FAF2: variants seen among roughly 807,000 people sequenced by gnomAD.
FAF2 encodes Fas associated factor family member 2.
In FAF2, 9 loss-of-function variants were observed where a neutral mutation model predicts 62.3. The ratio of observed to expected loss-of-function variants is 0.14; its 90% CI spans 0.09 to 0.25. FAF2 has a LOEUF of 0.25. Among genes scored for constraint, FAF2 ranks in the 10% least tolerant of loss-of-function variants. The pLI, the probability that FAF2 is intolerant of heterozygous loss-of-function variation, is 1.00. For synonymous variants in FAF2, 202 were observed against 198.0 expected (o/e 1.02, Z -0.17); for missense variants, 368 against 556.2 (o/e 0.66, Z 3.40).
chr5:176,469,138 G>A (rs938907377), intron 1 of FAF2, among the ~76,000 whole-genome samples: 3 of 152,014 alleles, frequency 2.0e-5, no homozygotes, highest in East Asian at 1.9e-4. Context: ...CCAGCTACTC[G>A]GGAGGCTGAG....
Position 176,506,792 on chromosome 5 carries a change from T to C in FAF2, c.1180T>C (p.Leu394=). The change falls in exon 11 of 11, where the codon TTG becomes CTG. Residue 394 remains leucine (L), a synonymous_variant. Coordinates refer to ENST00000261942, the MANE Select transcript of FAF2 (RefSeq NM_014613.3). ...LTVIHDFLFS[L]KESPEKFQIE... ...GGTAATCCACGACTTCTTATTCTCC[T>C]TGAAGGAAAGCCCAGAAAAGTTTCA... is the stretch of plus-strand genomic sequence containing the variant. 1 of 1,613,980 alleles carries C rather than the reference T, an allele frequency of 6.2e-7. No individual in the cohort carries two copies.
chr5:176,475,820 G>A (rs1050238344), intron 1 of FAF2, among the ~76,000 whole-genome samples: 2 of 151,772 alleles, frequency 1.3e-5, no homozygotes, highest in Non-Finnish European at 2.9e-5. Context: ...CAGCTCGGCT[G>A]TACATTAGAA....
In FAF2 at chr5:176,489,036, C is replaced by T; in HGVS notation, c.344+9C>T. ...ATACTTGATATATTTAGGTATGTAC[C>T]TTTGGATTTATGTATTAGTAGAATA... On this transcript the variant is annotated intron_variant, in intron 4 of 10. Transcript: ENST00000261942. 2.5e-6 allele frequency: 4 copies of T among 1,605,566 alleles called. No individual in the cohort carries two copies. The highest frequency in any genetic ancestry group is 1.7e-6 in the Non-Finnish European group (2 of 1,173,660).
At chr5:176,472,785 T>A (rs1758598013) in intron 1 of FAF2, among the ~76,000 whole-genome samples, 1 of 151,778 alleles carries the variant, frequency 6.6e-6, no homozygotes, top group South Asian at 2.1e-4. Flanking sequence ...CTCATATGGT[T>A]CTTATACAGG....
At chr5:176,503,234 T>C (rs1048957768) in intron 10 of FAF2, among the ~76,000 whole-genome samples, 2 of 151,840 alleles carry the variant, frequency 1.3e-5, no homozygotes, top group Non-Finnish European at 2.9e-5. Flanking sequence ...AACCAAATAA[T>C]GCTGTAGTGT....
intron 2 of FAF2, among the ~76,000 whole-genome samples, chr5:176,481,911 G>A (rs1016597417): frequency 6.6e-6 from 1 of 152,134 alleles, no homozygotes; most frequent in African/African-American, 2.4e-5. Context: ...GTGACACTAT[G>A]TTTAACCTTT....
chr5:176,454,577 G>GAAAAAAAAAAAAAAAAAAAAAAAAAA (rs56324116), intron 1 of FAF2, among the ~76,000 whole-genome samples: 1 of 95,326 alleles, frequency 1.0e-5, no homozygotes, highest in Non-Finnish European at 2.0e-5. Flanking sequence ...GATTCTGTCT[G>GAAAAAAAAAAAAAAAAAAAAAAAAAA]AAAAAAAAAA....
chr5:176,479,073 A>T, intron 1 of FAF2, 115 bp from the exon 2 acceptor site: 2 of 824,692 alleles, frequency 2.4e-6, no homozygotes, highest in Non-Finnish European at 4.2e-6. Context: ...ACCATACTTT[A>T]ACACTCACTT....
At chr5:176,464,951 G>A (rs911070049) in intron 1 of FAF2, among the ~76,000 whole-genome samples, 8 of 152,132 alleles carry the variant, frequency 5.3e-5, no homozygotes, top group Non-Finnish European at 1.2e-4. Flanking sequence ...GCAGTGGTAT[G>A]ATCTCAGCTC....
chr5:176,459,093 A>G (rs1758329902), intron 1 of FAF2, among the ~76,000 whole-genome samples: 1 of 152,160 alleles, frequency 6.6e-6, no homozygotes, highest in Admixed American at 6.6e-5. Context: ...ATAGATGCTC[A>G]ATTAATATTT....
chr5:176,489,003 A>G lies in FAF2; in HGVS notation c.320A>G (p.Tyr107Cys). Residue 107 changes from tyrosine to cysteine, a missense_variant, in exon 4 of 11, where the codon TAT becomes TGT. By Grantham distance (194) the Tyr-to-Cys change is radical (BLOSUM62 -2). This residue lies in a region of FAF2 where 331 missense variants were observed against 441.9 expected (regional missense o/e 0.75). Coordinates refer to ENST00000261942, the MANE Select transcript of FAF2 (RefSeq NM_014613.3). ...YLIMLPFRFTYYTILDIFRFA... is the reference protein window; with the variant it reads ...YLIMLPFRFTCYTILDIFRFA... Reference sequence around the variant, plus strand: ...ATAATGCTTCCATTCCGGTTTACCTATTACACGATACTTGATATATTTAGG... The same window carrying G: ...ATAATGCTTCCATTCCGGTTTACCTGTTACACGATACTTGATATATTTAGG... 3 of 1,613,786 alleles carry G rather than the reference A, an allele frequency of 1.9e-6. No individual in the cohort carries two copies. Among genetic ancestry groups the G allele is most frequent in the South Asian group, 2.2e-5 (2 of 91,064 alleles).
At position 176,494,013 on chromosome 5, in the gene FAF2, C is replaced by T. The variant is rs1561826734; in HGVS notation, c.498C>T (p.Ala166=). Residue 166 remains alanine, a synonymous_variant, in exon 6 of 11, where the codon GCC becomes GCT. Transcript: ENST00000261942. This position sits in a 1 kb window ranked among gnomAD's most constrained non-coding sequence, Gnocchi z 4.0. ...QGTYSQALND[A]KRELRFLLVY... ...CTTTCTCACAGGCACTTAACGATGC[C>T]AAAAGGGAGCTTCGCTTTCTTTTGG... 2 of 1,613,732 alleles carry T rather than the reference C, an allele frequency of 1.2e-6. No individual in the cohort carries two copies. Among genetic ancestry groups the T allele is most frequent in the Non-Finnish European group, 1.7e-6 (2 of 1,179,806 alleles).
At chr5:176,488,810 G>A (rs767130429) in intron 3 of FAF2, 141 bp from the exon 4 acceptor site, 6 of 650,338 alleles carry the variant, frequency 9.2e-6, no homozygotes, top group Non-Finnish European at 2.7e-6. Context: ...AGAAGGATGA[G>A]GTGGCCAGGA....
chr5:176,458,408 C>CTTTTTTTTTTTTTTTTTTTT (rs751775026), intron 1 of FAF2, among the ~76,000 whole-genome samples: 5 of 86,364 alleles, frequency 5.8e-5, no homozygotes, highest in Admixed American at 1.8e-4. Flanking sequence ...CTTTTTCTTC[C>CTTTTTTTTTTTTTTTTTTTT]TTTTTTTTTT....
intron 8 of FAF2, 119 bp downstream of exon 8, chr5:176,496,782 T>C: frequency 1.4e-6 from 1 of 704,674 alleles, no homozygotes; most frequent in Non-Finnish European, 2.2e-6. Context: ...AGCTTTTAGC[T>C]TTGCCCATTT....
rs925379081 is a variant in FAF2 at position 176,507,927 on chromosome 5, C to G, written c.*977C>G. On this transcript the variant is annotated 3_prime_UTR_variant, in exon 11 of 11. Transcript: ENST00000261942. Reference sequence around the variant, plus strand: ...TCTGACATGTGCATGCTGCTCCCCCCAGCCCTGGGCTTTCCTGAATTGCCA... The same window carrying G: ...TCTGACATGTGCATGCTGCTCCCCCGAGCCCTGGGCTTTCCTGAATTGCCA... 6.6e-6 allele frequency: 1 copy of G among 152,602 alleles called. No individual in the cohort carries two copies. The highest frequency in any genetic ancestry group is 6.5e-5 in the Admixed American group (1 of 15,282). The allele number at this position is 152,602 out of a possible 1,614,324, so 9.5% of individuals were successfully genotyped here.
Position 176,507,322 on chromosome 5 carries a change from A to C in FAF2, c.*372A>C, listed in dbSNP as rs1220644844. 1 of 453,858 alleles carries C rather than the reference A, an allele frequency of 2.2e-6. No homozygotes were observed. Among genetic ancestry groups the C allele is most frequent in the South Asian group, 1.6e-5 (1 of 63,904 alleles). 28.1% of individuals were successfully genotyped at this position (453,858 alleles called of 1,614,324 possible). ...TCTCATTCATTCTTGCTTTTATGAA[A>C]AATAAAAGTGAAAAACCTCCATCAA... On this transcript the variant is annotated 3_prime_UTR_variant, in exon 11 of 11. Transcript: ENST00000261942.
chr5:176,486,600 TGTTA>T (rs1265511338), intron 3 of FAF2, 111 bp downstream of exon 3: 10 of 1,138,802 alleles, frequency 8.8e-6, no homozygotes, highest in African/African-American at 3.1e-5. Context: ...AATGTAAACC[TGTTA>T]GTTAGACTTG....
At chr5:176,465,956 C>T (rs909572818) in intron 1 of FAF2, among the ~76,000 whole-genome samples, 1 of 152,246 alleles carries the variant, frequency 6.6e-6, no homozygotes, top group African/African-American at 2.4e-5. Flanking sequence ...TCAGTCTTCA[C>T]TCCACCATTT....
Sources: allele counts gnomAD v4.1 joint callset (sites outside exome capture counted in the v4.1 genomes callset), GRCh38; gene constraint gnomAD v4.1.1; regional missense constraint gnomAD v4.1.1; non-coding constraint Gnocchi (gnomAD v3.1); transcripts MANE v1.5; gene names NCBI Gene and HGNC (gene_info 2026-07-23, HGNC 2026-07-21).